VPS13C: variants seen among roughly 807,000 people sequenced by gnomAD.
VPS13C encodes vacuolar protein sorting 13 homolog C.
A neutral mutation model predicts 456.8 loss-of-function variants in VPS13C; 358 were observed. The observed-to-expected ratio is 0.78, with a 90% CI of 0.72 to 0.86. The LOEUF (loss-of-function observed/expected upper bound fraction) is 0.86, where lower values mean the gene tolerates loss of function less well. Among genes scored for constraint, VPS13C ranks in the 40% least tolerant of loss-of-function variants. The probability of loss-of-function intolerance (pLI) is 0.00; values close to 1 mark genes in which losing one functional copy is unlikely to be tolerated. For synonymous variants in VPS13C, 1,578 were observed against 1,486.7 expected (o/e 1.06, Z -1.41); for missense variants, 4,818 against 4,385.4 (o/e 1.10, Z -2.79).
At chr15:61,966,241 T>C in intron 29 of VPS13C, 99 bp from the exon 30 acceptor site, 2 of 709,356 alleles carry the variant, frequency 2.8e-6, no homozygotes, top group Non-Finnish European at 4.5e-6. Flanking sequence ...GTTATAAATG[T>C]ATTTTATATA....
At chr15:61,871,418 C>A (rs1895022843) in intron 79 of VPS13C, among the ~76,000 whole-genome samples, 1 of 152,124 alleles carries the variant, frequency 6.6e-6, no homozygotes, top group African/African-American at 2.4e-5. Flanking sequence ...GAGTCTATTT[C>A]TGACTCCTTC....
chr15:61,864,856 T>C (rs956974527), intron 81 of VPS13C: 1 of 975,292 alleles, frequency 1.0e-6, no homozygotes, highest in Middle Eastern at 5.3e-4. Context: ...TTTAATAATG[T>C]AATGCATTTA....
chr15:61,939,619 T>C (rs182881402), intron 47 of VPS13C, among the ~76,000 whole-genome samples: 166 of 152,282 alleles, frequency 1.1e-3, no homozygotes, highest in African/African-American at 3.9e-3. Context: ...AATCACAGGA[T>C]TCCTATACTT....
At chr15:62,008,856 T>A (rs1206412293) in intron 13 of VPS13C, 95 bp from the exon 14 acceptor site, 3 of 603,658 alleles carry the variant, frequency 5.0e-6, no homozygotes, top group Non-Finnish European at 5.1e-6. Context: ...AGACTCCAAA[T>A]ACCCTGAACA....
chr15:62,060,043 G>A (rs547676841), intron 1 of VPS13C, among the ~76,000 whole-genome samples: 5 of 152,212 alleles, frequency 3.3e-5, no homozygotes, highest in African/African-American at 1.2e-4. Flanking sequence ...GGACGAGAAA[G>A]GTGGGAACTT....
rs1226657364 is a variant in VPS13C at position 61,952,081 on chromosome 15, T to TGA, written c.4300-102_4300-101insTC. ...ATCCAGAGTGATATAAGGAAGAAAT[T>TGA]CACACAATGTTAAGATGTGTACTTC... On this transcript the variant is annotated intron_variant, in intron 38 of 84. Coordinates refer to ENST00000644861, the MANE Select transcript of VPS13C (RefSeq NM_020821.3). 4.4e-6 allele frequency: 6 copies of TGA among 1,372,110 alleles called. No individual in the cohort carries two copies. In the East Asian group the frequency reaches 1.4e-4, roughly 32 times the overall value. 85.0% of individuals were successfully genotyped at this position (1,372,110 alleles called of 1,614,324 possible). A position where few individuals can be genotyped will look rare whatever the true frequency, so the allele number is the denominator to read the frequency against.
chr15:62,005,507 G>A (rs1199229218), intron 15 of VPS13C, among the ~76,000 whole-genome samples: 2 of 151,688 alleles, frequency 1.3e-5, no homozygotes, highest in Non-Finnish European at 2.9e-5. Context: ...GGAGCATTTA[G>A]TCCATTTACA....
intron 67 of VPS13C, among the ~76,000 whole-genome samples, chr15:61,887,222 T>A (rs1028886847): frequency 3.9e-5 from 6 of 152,152 alleles, no homozygotes; most frequent in African/African-American, 1.4e-4. Context: ...AATATACAAG[T>A]CAACTGCTTT....
Position 61,961,789 on chromosome 15 carries a change from ACTC to A in VPS13C, c.3705_3707del (p.Arg1235del). 1 of 1,613,802 alleles carries A rather than the reference ACTC, an allele frequency of 6.2e-7. No homozygotes were observed. Among genetic ancestry groups the A allele is most frequent in the Non-Finnish European group, 8.5e-7 (1 of 1,179,908 alleles). On this transcript the variant is annotated inframe_deletion, in exon 35 of 85. Transcript: ENST00000644861. Reference sequence around the variant, plus strand: ...AATCAATATTGATGGAAACACGAAAACTCCTCTGGGCAAGATCTTTCACACTTG... The same window carrying A: ...AATCAATATTGATGGAAACACGAAAACTCTGGGCAAGATCTTTCACACTTG...
chr15:62,020,440 T>C (rs1343167382), intron 9 of VPS13C, 39 bp downstream of exon 9: 16 of 1,564,112 alleles, frequency 1.0e-5, no homozygotes, highest in African/African-American at 1.4e-5. Flanking sequence ...AATAATACTT[T>C]ACAGGTTCCA....
intron 23 of VPS13C, among the ~76,000 whole-genome samples, chr15:61,977,752 T>C (rs888852120): frequency 2.6e-5 from 4 of 152,078 alleles, no homozygotes; most frequent in Admixed American, 6.6e-5. Flanking sequence ...TCTATGTTTA[T>C]TGATGACAAT....
chr15:62,037,677 G>A (rs1230845040), intron 3 of VPS13C, among the ~76,000 whole-genome samples: 2 of 143,580 alleles, frequency 1.4e-5, no homozygotes, highest in African/African-American at 2.6e-5. Flanking sequence ...GCATAGTCTT[G>A]TACGTAACAT....
chr15:61,971,109 G>C (rs1379273389), intron 27 of VPS13C, among the ~76,000 whole-genome samples: 1 of 151,162 alleles, frequency 6.6e-6, no homozygotes. Context: ...GAGCAAGGCA[G>C]GAAAGAACTG....
intron 66 of VPS13C, among the ~76,000 whole-genome samples, chr15:61,897,044 G>C (rs1218073987): frequency 6.6e-6 from 1 of 152,026 alleles, no homozygotes; most frequent in African/African-American, 2.4e-5. Flanking sequence ...TGAGGGTCCT[G>C]TCTGTTAGAA....
chr15:61,951,211 C>T (rs760821400), intron 39 of VPS13C, among the ~76,000 whole-genome samples, 187 bp from the exon 40 acceptor site: 7 of 151,784 alleles, frequency 4.6e-5, no homozygotes, highest in Non-Finnish European at 7.4e-5. Flanking sequence ...GAAACAAATT[C>T]CATAAAACAA....
intron 79 of VPS13C, among the ~76,000 whole-genome samples, chr15:61,871,569 C>CT (rs34849197): frequency 4.9e-4 from 74 of 151,492 alleles, no homozygotes; most frequent in Middle Eastern, 6.8e-3. Flanking sequence ...TTTTTCAAGA[C>CT]TTTTTTTTTG....
intron 53 of VPS13C, 78 bp from the exon 54 acceptor site, chr15:61,922,840 G>A: frequency 1.8e-6 from 2 of 1,104,994 alleles, no homozygotes; most frequent in Non-Finnish European, 1.2e-6. Context: ...GATTTTAAGT[G>A]ACATACATTA....
chr15:61,991,560 G>T, intron 17 of VPS13C, 113 bp downstream of exon 17: 1 of 1,202,754 alleles, frequency 8.3e-7, no homozygotes, highest in Non-Finnish European at 1.1e-6. Flanking sequence ...TTACTATACT[G>T]AGGTAATTTA....
chr15:61,933,340 T>G (rs1049201196), intron 49 of VPS13C, among the ~76,000 whole-genome samples: 17 of 152,150 alleles, frequency 1.1e-4, no homozygotes, highest in African/African-American at 4.1e-4. Flanking sequence ...GTTCATTGCA[T>G]AAATAACAGA....
Sources: allele counts gnomAD v4.1 joint callset (sites outside exome capture counted in the v4.1 genomes callset), GRCh38; gene constraint gnomAD v4.1.1; transcripts MANE v1.5; gene names NCBI Gene and HGNC (gene_info 2026-07-23, HGNC 2026-07-21).